FOXP1: variants seen among roughly 807,000 people sequenced by gnomAD.
FOXP1 encodes forkhead box protein P1.
Under a neutral mutation model 98.2 loss-of-function variants are expected in FOXP1, and 15 were observed. That is an observed-to-expected ratio of 0.15 (90% confidence interval 0.10 to 0.24). The LOEUF (loss-of-function observed/expected upper bound fraction) is 0.24. Among genes scored for constraint, FOXP1 ranks in the 10% least tolerant of loss-of-function variants. The probability of loss-of-function intolerance (pLI) is 1.00; values close to 1 mark genes in which losing one functional copy is unlikely to be tolerated. For synonymous variants in FOXP1, 371 were observed against 314.5 expected, an observed-to-expected ratio of 1.18 and a Z score of -1.90; for missense variants, 633 against 848.5, an observed-to-expected ratio of 0.75 and a Z score of 3.15.
At chr3:71,016,617 T>A (rs1172797974) in intron 11 of FOXP1, among the ~76,000 whole-genome samples, 2 of 151,578 alleles carry the variant, frequency 1.3e-5, no homozygotes, top group East Asian at 3.9e-4. Context: ...TGTCTCTGCC[T>A]GACTTTGAAC....
chr3:71,189,267 A>G (rs1199759597), intron 6 of FOXP1, among the ~76,000 whole-genome samples: 1 of 152,220 alleles, frequency 6.6e-6, no homozygotes, highest in Non-Finnish European at 1.5e-5. Context: ...TTTATCAAAG[A>G]TCTAACTTCA....
chr3:71,054,811 G>GT, intron 7 of FOXP1, among the ~76,000 whole-genome samples: 1 of 152,096 alleles, frequency 6.6e-6, no homozygotes, highest in South Asian at 2.1e-4. Flanking sequence ...TCTTCTAACC[G>GT]TAATATTTAA....
intron 3 of FOXP1, among the ~76,000 whole-genome samples, chr3:71,390,440 C>G (rs1471797634): frequency 6.6e-6 from 1 of 152,166 alleles, no homozygotes. Context: ...AGGAAGTGTT[C>G]ACTGCAACTT....
chr3:71,090,768 C>G (rs2055724586), intron 7 of FOXP1, among the ~76,000 whole-genome samples: 1 of 152,080 alleles, frequency 6.6e-6, no homozygotes, highest in Admixed American at 6.5e-5. Flanking sequence ...CACAGAAGAC[C>G]TACAGAAGTG....
At chr3:71,239,245 T>C (rs760263043) in intron 5 of FOXP1, among the ~76,000 whole-genome samples, 33 of 152,122 alleles carry the variant, frequency 2.2e-4, no homozygotes, top group Non-Finnish European at 3.4e-4. Flanking sequence ...CTCAATTATA[T>C]TGAAAACCAA....
chr3:71,322,689 G>A (rs895536696), intron 4 of FOXP1, among the ~76,000 whole-genome samples: 15 of 152,166 alleles, frequency 9.9e-5, no homozygotes, highest in Non-Finnish European at 2.2e-4. Context: ...ATATGGGGGA[G>A]CAGTGGCCAC....
At chr3:71,281,967 G>A (rs1464597123) in intron 5 of FOXP1, among the ~76,000 whole-genome samples, 2 of 149,352 alleles carry the variant, frequency 1.3e-5, no homozygotes, top group South Asian at 2.1e-4. Context: ...AATTAACCAA[G>A]TGTGGTGGTG....
chr3:71,117,955 T>A (rs2058494976), intron 6 of FOXP1, among the ~76,000 whole-genome samples: 1 of 152,196 alleles, frequency 6.6e-6, no homozygotes, highest in Non-Finnish European at 1.5e-5. Context: ...CAAGCTAAAA[T>A]AAGTGGCTCT....
At chr3:71,277,775 T>C (rs1042477973) in intron 5 of FOXP1, among the ~76,000 whole-genome samples, 18 of 95,692 alleles carry the variant, frequency 1.9e-4, no homozygotes, top group Admixed American at 1.5e-3. Context: ...GTATTTTCCC[T>C]AGTTAAAAAA....
At chr3:71,383,387 G>C (rs2080322144) in intron 3 of FOXP1, among the ~76,000 whole-genome samples, 2 of 152,196 alleles carry the variant, frequency 1.3e-5, no homozygotes, top group Admixed American at 1.3e-4. Flanking sequence ...GTGAGGCTGA[G>C]ATTTTGGTTT....
intron 3 of FOXP1, among the ~76,000 whole-genome samples, chr3:71,404,088 C>T (rs992542302): frequency 2.7e-5 from 4 of 147,688 alleles, no homozygotes; most frequent in Admixed American, 2.7e-4. Context: ...AATGGAGATC[C>T]CCATGTATTG....
intron 2 of FOXP1, among the ~76,000 whole-genome samples, chr3:71,547,806 C>T (rs559857927): frequency 6.6e-6 from 1 of 152,198 alleles, no homozygotes; most frequent in African/African-American, 2.4e-5. Context: ...ACTATTCAAT[C>T]CTTTGGTGGT....
chr3:71,288,727 C>T (rs2072434679), intron 5 of FOXP1, among the ~76,000 whole-genome samples: 1 of 152,098 alleles, frequency 6.6e-6, no homozygotes, highest in African/African-American at 2.4e-5. Flanking sequence ...GTACTATGAC[C>T]CAAACTTCAC....
intron 14 of FOXP1, among the ~76,000 whole-genome samples, chr3:70,984,094 T>A (rs1199033180): frequency 6.6e-6 from 1 of 152,260 alleles, no homozygotes; most frequent in Non-Finnish European, 1.5e-5. Flanking sequence ...ACAAGAAATG[T>A]GGCCATTCTA....
chr3:71,312,214 G>C (rs2074738330), intron 4 of FOXP1, among the ~76,000 whole-genome samples: 1 of 152,198 alleles, frequency 6.6e-6, no homozygotes. Context: ...CCTAAAACAA[G>C]AACGGCTGAA....
At chr3:71,195,039 T>C (rs2063217256) in intron 6 of FOXP1, among the ~76,000 whole-genome samples, 1 of 152,220 alleles carries the variant, frequency 6.6e-6, no homozygotes. Context: ...GAGAGCAGGC[T>C]GGAGGGCTCC....
At chr3:71,301,224 C>T (rs1295106251) in intron 4 of FOXP1, among the ~76,000 whole-genome samples, 1 of 152,128 alleles carries the variant, frequency 6.6e-6, no homozygotes, top group African/African-American at 2.4e-5. Context: ...TTTGTTTTTA[C>T]ACAAAACAAT....
intron 2 of FOXP1, among the ~76,000 whole-genome samples, chr3:71,503,452 T>C (rs2041556262): frequency 6.6e-6 from 1 of 151,842 alleles, no homozygotes; most frequent in Non-Finnish European, 1.5e-5. Flanking sequence ...AATACAAAAA[T>C]TAGCTGGATG....
At chr3:70,983,140 G>GCCTTTCCTTT (rs969183966) in intron 14 of FOXP1, among the ~76,000 whole-genome samples, 2 of 152,114 alleles carry the variant, frequency 1.3e-5, no homozygotes, top group Admixed American at 1.3e-4. Flanking sequence ...TTTGTTACAA[G>GCCTTTCCTTT]CCTTTCCTTT....
Sources: gnomAD v4.1 joint callset for allele counts (sites outside exome capture counted in the v4.1 genomes callset) on GRCh38, gnomAD v4.1.1 for gene constraint, MANE v1.5 for transcripts, NCBI Gene and HGNC (gene_info 2026-07-23, HGNC 2026-07-21) for gene names.